KIZ: variants seen among roughly 807,000 people sequenced by gnomAD.
KIZ encodes kizuna centrosomal protein.
A neutral mutation model predicts 79.6 loss-of-function variants in KIZ; 68 were observed. The ratio of observed to expected loss-of-function variants is 0.85; its 90% CI spans 0.70 to 1.05. KIZ has a LOEUF of 1.05. KIZ is among the 50% of genes least tolerant of loss of function. The pLI is 0.00. For synonymous variants in KIZ, 280 were observed against 281.8 expected (o/e 0.99, Z 0.06); for missense variants, 797 against 800.4 (o/e 1.00, Z 0.05).
intron 6 of KIZ, chr20:21,194,343 G>T (rs1287087331): frequency 1.3e-5 from 2 of 152,216 alleles, no homozygotes; most frequent in Non-Finnish European, 2.9e-5. Context: ...TGCCCTTCTA[G>T]CTGGAATGAT....
In KIZ at chr20:21,163,013, G is replaced by A. The variant is rs1245866367; in HGVS notation, c.1206G>A (p.Met402Ile). The A allele has an allele frequency of 1.3e-5, 21 of 1,613,914 alleles. No individual in the cohort carries two copies. The highest frequency in any genetic ancestry group is 1.6e-5 in the Non-Finnish European group (19 of 1,179,840). ...PEPQPNPGGKMEGEDGIEALK... is the reference protein window; with the variant it reads ...PEPQPNPGGKIEGEDGIEALK... Reference sequence around the variant, plus strand: ...CACAGCCAAATCCAGGTGGCAAGATGGAGGGAGAAGATGGAATAGAGGCCT... The same window carrying A: ...CACAGCCAAATCCAGGTGGCAAGATAGAGGGAGAAGATGGAATAGAGGCCT... The change falls in exon 6 of 13, where the codon ATG becomes ATA. Residue 402 changes from methionine (M) to isoleucine (I), a missense_variant. Physicochemically the swap from Met to Ile is conservative, Grantham distance 10. Coordinates refer to ENST00000619189, the MANE Select transcript of KIZ (RefSeq NM_018474.6).
chr20:21,129,602 G>A (rs768095410), intron 1 of KIZ, among the ~76,000 whole-genome samples: 9 of 152,028 alleles, frequency 5.9e-5, no homozygotes, highest in Non-Finnish European at 1.3e-4. Context: ...GGGTGTGGTG[G>A]CGCATGCCTG....
intron 6 of KIZ, among the ~76,000 whole-genome samples, chr20:21,176,829 C>T (rs2034457724): frequency 6.6e-6 from 1 of 152,106 alleles, no homozygotes; most frequent in Non-Finnish European, 1.5e-5. Context: ...TAAAGAATGC[C>T]TTTGGTGGGC....
chr20:21,126,846 G>T (rs2031509574), intron 1 of KIZ, among the ~76,000 whole-genome samples: 2 of 152,160 alleles, frequency 1.3e-5, no homozygotes, highest in African/African-American at 4.8e-5. Flanking sequence ...AGTGCATATA[G>T]AGAGAAAATT....
chr20:21,162,073 T>C lies in KIZ; in HGVS notation c.608T>C (p.Val203Ala), dbSNP rs777285710. ...SHRQTAQSSN[V>A]TDSCVVQTSN... ...CGACAGACAGCCCAGAGCAGTAATG[T>C]GACAGACAGCTGTGTAGTACAAACT... The change falls in exon 5 of 13, where the codon GTG becomes GCG. Residue 203 changes from valine to alanine, a missense_variant. Coordinates refer to ENST00000619189, the MANE Select transcript of KIZ (RefSeq NM_018474.6). 1 of 1,613,924 alleles carries C rather than the reference T, an allele frequency of 6.2e-7. No homozygotes were observed. Among genetic ancestry groups the C allele is most frequent in the Admixed American group, 1.7e-5 (1 of 59,998 alleles).
chr20:21,219,186 G>A (rs1453969429), intron 9 of KIZ, among the ~76,000 whole-genome samples: 1 of 69,954 alleles, frequency 1.4e-5, no homozygotes, highest in Non-Finnish European at 3.2e-5. Context: ...ATACCAGGTA[G>A]AATATTTATC....
intron 6 of KIZ, among the ~76,000 whole-genome samples, chr20:21,199,858 G>A (rs551302244): frequency 6.6e-6 from 1 of 152,142 alleles, no homozygotes; most frequent in South Asian, 2.1e-4. Flanking sequence ...TTGCTCTGTC[G>A]CCCAGGCTGG....
At chr20:21,151,690 GA>G (rs917074090) in intron 4 of KIZ, 1 of 151,980 alleles carries the variant, frequency 6.6e-6, no homozygotes, top group Non-Finnish European at 1.5e-5. Context: ...TGTATTATTA[GA>G]AAAAGATATA....
chr20:21,130,084 A>G (rs1487652311), intron 1 of KIZ, among the ~76,000 whole-genome samples: 4 of 152,214 alleles, frequency 2.6e-5, no homozygotes, highest in African/African-American at 9.6e-5. Flanking sequence ...AGATTTCACC[A>G]GCTATCTTAA....
chr20:21,170,633 C>T (rs1362415684), intron 6 of KIZ, among the ~76,000 whole-genome samples: 1 of 152,154 alleles, frequency 6.6e-6, no homozygotes. Context: ...CGTGATCTGC[C>T]CGCCTCAGCC....
At chr20:21,163,847 T>C (rs1470218014) in intron 6 of KIZ, among the ~76,000 whole-genome samples, 1 of 152,220 alleles carries the variant, frequency 6.6e-6, no homozygotes, top group Non-Finnish European at 1.5e-5. Flanking sequence ...AGTTCTTGTG[T>C]ATCTACTATG....
chr20:21,209,399 CT>C (rs1325282000), intron 7 of KIZ, among the ~76,000 whole-genome samples: 4 of 152,172 alleles, frequency 2.6e-5, no homozygotes, highest in African/African-American at 9.7e-5. Flanking sequence ...CCCTGGAGAA[CT>C]TTATCACAGC....
At position 21,134,494 on chromosome 20, in the gene KIZ, G is replaced by A. The variant is rs374809845; in HGVS notation, c.153-1896G>A. ...GATTCATACAAACCCTTAAAGCAGT[G>A]TCTGACCTAGAGCCAATTATTATTT... On this transcript the variant is annotated intron_variant, in intron 2 of 12. Transcript: ENST00000619189. Among the ~76,000 whole-genome samples, 51 of 152,186 alleles carry A rather than the reference G, an allele frequency of 3.4e-4. No homozygotes were observed. The South Asian group carries it at 4.4e-3, about 13-fold the overall frequency.
At chr20:21,222,963 A>G (rs1267372548) in intron 9 of KIZ, among the ~76,000 whole-genome samples, 1 of 152,196 alleles carries the variant, frequency 6.6e-6, no homozygotes, top group Non-Finnish European at 1.5e-5. Flanking sequence ...GGAATGAGGA[A>G]GGACTTCTTC....
rs569183800 is a variant in KIZ at position 21,129,912 on chromosome 20, A to G, written c.90-2185A>G. 2.6e-5 allele frequency among the ~76,000 whole-genome samples: 4 copies of G among 152,236 alleles called. No individual in the cohort carries two copies. In the South Asian group the frequency reaches 6.2e-4, roughly 24 times the overall value. On this transcript the variant is annotated intron_variant, in intron 1 of 12. Transcript: ENST00000619189. ...GTTGGGTATCTATTTAAATCTGTCT[A>G]TCTAAAACCATTAGCCTTTTCTGAT...
intron 7 of KIZ, among the ~76,000 whole-genome samples, chr20:21,210,572 T>G (rs1419533908): frequency 1.3e-5 from 2 of 152,174 alleles, no homozygotes; most frequent in Admixed American, 6.5e-5. Flanking sequence ...GCAATTCAGA[T>G]TTTACAAATA....
chr20:21,213,306 CTG>C (rs2036148492), intron 7 of KIZ, among the ~76,000 whole-genome samples: 1 of 152,266 alleles, frequency 6.6e-6, no homozygotes, highest in African/African-American at 2.4e-5. Flanking sequence ...CTTCCATGCT[CTG>C]ACTCTCCCTG....
At chr20:21,170,748 C>T (rs1443463480) in intron 6 of KIZ, among the ~76,000 whole-genome samples, 1 of 152,048 alleles carries the variant, frequency 6.6e-6, no homozygotes, top group African/African-American at 2.4e-5. Flanking sequence ...TTAACCATCC[C>T]CACTTCTCTC....
At chr20:21,208,007 G>C (rs77584814) in intron 7 of KIZ, among the ~76,000 whole-genome samples, 3,175 of 152,216 alleles carry the variant, frequency 0.021, 98 homozygotes, top group African/African-American at 0.067. Context: ...GAGCCACCAC[G>C]CCCAGCCGAT....
Sources: allele counts gnomAD v4.1 joint callset (sites outside exome capture counted in the v4.1 genomes callset), GRCh38; gene constraint gnomAD v4.1.1; transcripts MANE v1.5; gene names NCBI Gene and HGNC (gene_info 2026-07-23, HGNC 2026-07-21).